Variants in MID2 observed in about 807,000 individuals in gnomAD.
MID2 encodes the protein probable E3 ubiquitin-protein ligase MID2.
MID2 carries 13 observed loss-of-function variants against 46.1 expected under a neutral mutation model. The observed-to-expected ratio is 0.28, with a 90% CI of 0.18 to 0.45. The LOEUF (loss-of-function observed/expected upper bound fraction) is 0.45, where lower values mean the gene tolerates loss of function less well. MID2 is among the 20% of genes least tolerant of loss of function. The pLI, the probability that MID2 is intolerant of heterozygous loss-of-function variation, is 1.00. For missense variants in MID2, 431 were observed against 575.4 expected, an observed-to-expected ratio of 0.75 and a Z score of 2.57; for synonymous variants, 199 against 212.3, an observed-to-expected ratio of 0.94 and a Z score of 0.55.
chrX:107,902,618 T>G, intron 3 of MID2, among the ~76,000 whole-genome samples: 1 of 111,799 alleles, frequency 8.9e-6, no homozygotes, highest in African/African-American at 3.2e-5. Context: ...TTATTTCAGT[T>G]AAGTAGGAAA....
chrX:107,878,773 C>T (rs1282993363), intron 3 of MID2, among the ~76,000 whole-genome samples: 1 of 112,308 alleles, frequency 8.9e-6, no homozygotes, highest in Non-Finnish European at 1.9e-5. Context: ...ATCCTGCCCC[C>T]TGCAAGTGGC....
At position 107,915,956 on chromosome X, in the gene MID2, T is replaced by C. The variant is rs376464915; in HGVS notation, c.1074-46T>C. ...CCAGAAATCAAACACTGGGTGAAAG[T>C]TGCAACCTATTTTGATGTATATTGA... On this transcript the variant is annotated intron_variant, in intron 5 of 9. Transcript: ENST00000262843. 7.9e-6 allele frequency: 9 copies of C among 1,138,746 alleles called. No individual in the cohort carries two copies. In the African/African-American group the frequency reaches 1.1e-4, roughly 14 times the overall value. 93.8% of individuals were successfully genotyped at this position (1,138,746 alleles called of 1,213,427 possible). A position where few individuals can be genotyped will look rare whatever the true frequency, so the allele number is the denominator to read the frequency against.
chrX:107,875,315 G>A (rs1013604669), intron 3 of MID2, among the ~76,000 whole-genome samples: 1 of 111,892 alleles, frequency 8.9e-6, no homozygotes, highest in Non-Finnish European at 1.9e-5. Context: ...CATTAACAAG[G>A]TGGAGGTCCT....
chrX:107,895,593 T>A (rs1416930472), intron 3 of MID2: 1 of 112,454 alleles, frequency 8.9e-6, no homozygotes, highest in African/African-American at 3.2e-5. Context: ...GCATTTCAGT[T>A]GTTTCCAGTT....
At chrX:107,883,299 A>ACG (rs1270926109) in intron 3 of MID2, among the ~76,000 whole-genome samples, 1 of 111,236 alleles carries the variant, frequency 9.0e-6, no homozygotes. Flanking sequence ...GTGTATACCT[A>ACG]TGTAACAAAA....
rs1286781342 is a variant in MID2 at position 107,825,986 on chromosome X, G to A, written c.-441G>A. 1.3e-4 allele frequency: 35 copies of A among 276,742 alleles called. No homozygotes were observed. Among genetic ancestry groups the A allele is most frequent in the African/African-American group, 7.3e-4 (26 of 35,439 alleles). The allele number at this position is 276,742 out of a possible 1,213,427, so 22.8% of individuals were successfully genotyped here. On this transcript the variant is annotated 5_prime_UTR_variant, in exon 1 of 10. Transcript: ENST00000262843. Reference sequence around the variant, plus strand: ...GTGGCCGAGCACCCCTTCTTCTTGGGCCCTTCCCAGTGCTCCCTTGGGGTG... The same window carrying A: ...GTGGCCGAGCACCCCTTCTTCTTGGACCCTTCCCAGTGCTCCCTTGGGGTG...
At chrX:107,880,727 C>A (rs762437397) in intron 3 of MID2, among the ~76,000 whole-genome samples, 2 of 112,313 alleles carry the variant, frequency 1.8e-5, no homozygotes, top group South Asian at 7.4e-4. Flanking sequence ...TCAGGCTTTT[C>A]TATGCTTTGA....
At position 107,826,819 on chromosome X, in the gene MID2, C is replaced by G. The variant is rs754015127; in HGVS notation, c.4+389C>G. ...GGCCGCCTTCCCACGCTCCCGCAGCCGGCAGCCTCCTCGGCCCAGGCGTCG... is the reference window on the plus strand; with the variant it reads ...GGCCGCCTTCCCACGCTCCCGCAGCGGGCAGCCTCCTCGGCCCAGGCGTCG... On this transcript the variant is annotated intron_variant, in intron 1 of 9. Transcript: ENST00000262843. 8.8e-5 allele frequency among the ~76,000 whole-genome samples: 10 copies of G among 113,579 alleles called. No individual in the cohort carries two copies. In the East Asian group the frequency reaches 2.8e-3, roughly 32 times the overall value.
In MID2 at chrX:107,826,064, C is replaced by CA. The variant is rs1556354622; in HGVS notation, c.-363_-362insA. On this transcript the variant is annotated 5_prime_UTR_variant, in exon 1 of 10. Coordinates refer to ENST00000262843, the MANE Select transcript of MID2 (RefSeq NM_012216.4). Reference sequence around the variant, plus strand: ...CCGCCTCCCTTTTGGAAGGGATTGCCTTTTTTTTCCTCTGCGGCGGCGGAA... The same window carrying CA: ...CCGCCTCCCTTTTGGAAGGGATTGCCATTTTTTTTCCTCTGCGGCGGCGGAA... 3.4e-6 allele frequency: 1 copy of CA among 293,068 alleles called. No homozygotes were observed. The highest frequency in any genetic ancestry group is 2.8e-5 in the African/African-American group (1 of 36,199). The allele number at this position is 293,068 out of a possible 1,213,427, so 24.2% of individuals were successfully genotyped here. A position where few individuals can be genotyped will look rare whatever the true frequency, so the allele number is the denominator to read the frequency against.
chrX:107,865,599 C>T (rs895315677), intron 3 of MID2, among the ~76,000 whole-genome samples: 6 of 103,897 alleles, frequency 5.8e-5, no homozygotes, highest in Non-Finnish European at 1.2e-4. Flanking sequence ...TTGATGTTTT[C>T]CCCATATAAG....
chrX:107,850,985 A>T (rs1371183340), intron 2 of MID2, among the ~76,000 whole-genome samples: 1 of 112,339 alleles, frequency 8.9e-6, no homozygotes, highest in Non-Finnish European at 1.9e-5. Context: ...TGGAAACACA[A>T]ATTTCTAATA....
chrX:107,837,669 A>C (rs1931240773), intron 1 of MID2, among the ~76,000 whole-genome samples: 1 of 110,899 alleles, frequency 9.0e-6, no homozygotes, highest in Admixed American at 9.6e-5. Context: ...ATTGAAATAA[A>C]GGTAAGGGAA....
intron 1 of MID2, among the ~76,000 whole-genome samples, chrX:107,826,753 C>T (rs1403501664): frequency 1.8e-5 from 2 of 113,253 alleles, no homozygotes; most frequent in East Asian, 5.6e-4. Flanking sequence ...GGCAGTCGAG[C>T]GAATCCCCCG....
chrX:107,874,539 C>T (rs1044440961), intron 3 of MID2, among the ~76,000 whole-genome samples: 2 of 112,333 alleles, frequency 1.8e-5, no homozygotes, highest in African/African-American at 3.2e-5. Context: ...CTCCCAGGGC[C>T]ATTTGCTTTG....
chrX:107,849,873 G>A (rs1219283069), intron 2 of MID2, among the ~76,000 whole-genome samples: 1 of 111,936 alleles, frequency 8.9e-6, no homozygotes, highest in African/African-American at 3.2e-5. Context: ...AGCACACAAA[G>A]ACCCAGAGGT....
At chrX:107,862,622 T>C in intron 3 of MID2, among the ~76,000 whole-genome samples, 1 of 112,648 alleles carries the variant, frequency 8.9e-6, no homozygotes, top group South Asian at 3.7e-4. Flanking sequence ...TTCGTGTTGA[T>C]ACTTAAGTAA....
chrX:107,884,161 A>G (rs191510064), intron 3 of MID2, among the ~76,000 whole-genome samples: 139 of 112,307 alleles, frequency 1.2e-3, no homozygotes, highest in Non-Finnish European at 1.4e-3. Flanking sequence ...GGAGTTTATC[A>G]GTTGTAAATG....
At chrX:107,885,483 G>A (rs1345326150) in intron 3 of MID2, among the ~76,000 whole-genome samples, 3 of 111,115 alleles carry the variant, frequency 2.7e-5, no homozygotes, top group East Asian at 5.6e-4. Context: ...AGTATTCCGT[G>A]GTGTATATGT....
intron 1 of MID2, among the ~76,000 whole-genome samples, chrX:107,831,438 G>C (rs1301330344): frequency 8.9e-6 from 1 of 112,480 alleles, no homozygotes. Context: ...GTATGGGCAT[G>C]GCAGACAATG....
Sources: gnomAD v4.1 joint callset for allele counts (sites outside exome capture counted in the v4.1 genomes callset) on GRCh38, gnomAD v4.1.1 for gene constraint, MANE v1.5 for transcripts, NCBI Gene and HGNC (gene_info 2026-07-23, HGNC 2026-07-21) for gene names.